SLC44A1: variants seen among roughly 807,000 people sequenced by gnomAD.
SLC44A1 encodes solute carrier family 44 member 1, also known as choline transporter-like protein 1.
In SLC44A1, 26 loss-of-function variants were observed where a neutral mutation model predicts 79.3. The ratio of observed to expected loss-of-function variants is 0.33; its 90% CI spans 0.24 to 0.46. The LOEUF is 0.46. Ranked by LOEUF, SLC44A1 falls within the 20% of genes least tolerant of loss-of-function variation. The pLI, the probability that SLC44A1 is intolerant of heterozygous loss-of-function variation, is 1.00. For missense variants in SLC44A1, 688 were observed against 798.1 expected (o/e 0.86, Z 1.66); for synonymous variants, 263 against 286.2 (o/e 0.92, Z 0.82).
chr9:105,361,845 G>A (rs1295173290), intron 8 of SLC44A1, among the ~76,000 whole-genome samples: 3 of 152,116 alleles, frequency 2.0e-5, no homozygotes, highest in Admixed American at 1.3e-4. Context: ...TTGAGCCCAC[G>A]AGTTCTAGAC....
Position 105,390,809 on chromosome 9 carries a change from TC to T in SLC44A1, c.*1754del, listed in dbSNP as rs1201218913. 4.1e-6 allele frequency: 4 copies of T among 985,598 alleles called. No homozygotes were observed. Among genetic ancestry groups the T allele is most frequent in the Admixed American group, 6.2e-5 (1 of 16,230 alleles). 61.1% of individuals were successfully genotyped at this position (985,598 alleles called of 1,614,324 possible). On this transcript the variant is annotated 3_prime_UTR_variant, in exon 16 of 16. Transcript: ENST00000374720. ...CACATGCATACACACAATTAAGAGC[TC>T]ATGTCTTAGCAAGATCTGGGAAACC...
intron 1 of SLC44A1, among the ~76,000 whole-genome samples, chr9:105,290,751 C>T (rs1473415640): frequency 6.6e-6 from 1 of 152,178 alleles, no homozygotes; most frequent in African/African-American, 2.4e-5. Flanking sequence ...ATATAAATAC[C>T]TAACTTACAA....
chr9:105,352,035 A>G (rs1397135022), intron 5 of SLC44A1, among the ~76,000 whole-genome samples: 1 of 152,166 alleles, frequency 6.6e-6, no homozygotes, highest in African/African-American at 2.4e-5. Flanking sequence ...CCAAAGTGGG[A>G]GGATCGCTTG....
At chr9:105,282,561 T>C (rs1167540607) in intron 1 of SLC44A1, among the ~76,000 whole-genome samples, 1 of 152,186 alleles carries the variant, frequency 6.6e-6, no homozygotes, top group African/African-American at 2.4e-5. Flanking sequence ...TTTTTTTTCT[T>C]TTTTTGAGAT....
intron 5 of SLC44A1, among the ~76,000 whole-genome samples, chr9:105,355,467 G>A (rs772892059): frequency 4.6e-5 from 7 of 152,132 alleles, no homozygotes; most frequent in Non-Finnish European, 8.8e-5. Flanking sequence ...ATCCTAACAA[G>A]TCCAGTATTT....
At chr9:105,336,357 T>A (rs1050505888) in intron 4 of SLC44A1, among the ~76,000 whole-genome samples, 3 of 152,206 alleles carry the variant, frequency 2.0e-5, no homozygotes, top group African/African-American at 7.2e-5. Context: ...TGAGCAACTT[T>A]GAGGCTAAAG....
intron 1 of SLC44A1, among the ~76,000 whole-genome samples, chr9:105,261,328 C>G (rs1007162643): frequency 1.3e-5 from 2 of 152,166 alleles, no homozygotes; most frequent in African/African-American, 2.4e-5. Context: ...CCGCCTTCCC[C>G]CATTTCCCTG....
chr9:105,386,438 T>C, intron 15 of SLC44A1: 3 of 984,354 alleles, frequency 3.0e-6, no homozygotes, highest in Non-Finnish European at 3.6e-6. Context: ...AGGTAAGGAC[T>C]TTCCTTTCTG....
intron 12 of SLC44A1, among the ~76,000 whole-genome samples, chr9:105,370,718 G>C (rs1828070622): frequency 1.3e-5 from 2 of 152,244 alleles, no homozygotes; most frequent in Admixed American, 1.3e-4. Flanking sequence ...ACAGAGGAGA[G>C]AGAATGGAGA....
chr9:105,379,444 T>C (rs1179359111), intron 13 of SLC44A1, among the ~76,000 whole-genome samples: 3 of 152,184 alleles, frequency 2.0e-5, no homozygotes, highest in Non-Finnish European at 4.4e-5. Context: ...GGTTGTGATA[T>C]CAGTATGCTA....
At chr9:105,249,098 C>G (rs997166617) in intron 1 of SLC44A1, among the ~76,000 whole-genome samples, 15 of 152,192 alleles carry the variant, frequency 9.9e-5, no homozygotes, top group Non-Finnish European at 1.6e-4. Flanking sequence ...TGTCCACTGT[C>G]TCATCCCATT....
rs189862867 is a variant in SLC44A1, at chr9:105,263,800, G to T, written c.36+18896G>T. 4.2e-3 allele frequency among the ~76,000 whole-genome samples: 644 copies of T among 152,134 alleles called. 3 individuals are homozygous for T. The highest frequency in any genetic ancestry group is 0.015 in the African/African-American group (620 of 41,486). ...GATCCACCCGTCTCAGCCTCCCAAA[G>T]TGCTGGGATTACAGATGTGAGCCAC... On this transcript the variant is annotated intron_variant, in intron 1 of 15. Transcript: ENST00000374720.
chr9:105,261,600 G>T (rs2131213129), intron 1 of SLC44A1, among the ~76,000 whole-genome samples: 1 of 152,220 alleles, frequency 6.6e-6, no homozygotes, highest in South Asian at 2.1e-4. Context: ...CTGGCTGCAT[G>T]CTTTGGTTCT....
At chr9:105,438,139 T>A in intron 15 of SLC44A1, 1 of 644,038 alleles carries the variant, frequency 1.6e-6, no homozygotes, top group Non-Finnish European at 2.8e-6. Context: ...TCTGTGTGTG[T>A]GTGTGTGTGT....
At chr9:105,354,770 T>G (rs1486047366) in intron 5 of SLC44A1, among the ~76,000 whole-genome samples, 1 of 152,250 alleles carries the variant, frequency 6.6e-6, no homozygotes, top group East Asian at 1.9e-4. Flanking sequence ...CCATCAATGG[T>G]GCTCATTTAC....
At chr9:105,373,306 C>G (rs1432201630) in intron 12 of SLC44A1, among the ~76,000 whole-genome samples, 1 of 152,118 alleles carries the variant, frequency 6.6e-6, no homozygotes, top group Non-Finnish European at 1.5e-5. Flanking sequence ...GTTTTAGTCA[C>G]AAAGTTCATA....
intron 13 of SLC44A1, among the ~76,000 whole-genome samples, chr9:105,382,535 C>T (rs1285081737): frequency 6.6e-6 from 1 of 152,080 alleles, no homozygotes; most frequent in East Asian, 1.9e-4. Context: ...ATGTTTGTTG[C>T]AGCATTATTT....
intron 5 of SLC44A1, among the ~76,000 whole-genome samples, chr9:105,351,868 T>C (rs1481862986): frequency 6.6e-6 from 1 of 152,058 alleles, no homozygotes; most frequent in Non-Finnish European, 1.5e-5. Flanking sequence ...ATGAGAGAGG[T>C]TATCTAAAGC....
At chr9:105,423,690 A>G (rs1829285075) in intron 15 of SLC44A1, among the ~76,000 whole-genome samples, 1 of 152,216 alleles carries the variant, frequency 6.6e-6, no homozygotes, top group Non-Finnish European at 1.5e-5. Context: ...CTCAGTAAAT[A>G]GTAACACTGT....
Sources: gnomAD v4.1 joint callset for allele counts (sites outside exome capture counted in the v4.1 genomes callset) on GRCh38, gnomAD v4.1.1 for gene constraint, MANE v1.5 for transcripts, NCBI Gene and HGNC (gene_info 2026-07-23, HGNC 2026-07-21) for gene names.